Variants in CHSY3 observed in about 807,000 individuals in gnomAD.
CHSY3 encodes N-acetylgalactosaminyl-proteoglycan 3-beta-glucuronosyltransferase 3.
CHSY3 carries 35 observed loss-of-function variants against 67.2 expected under a neutral mutation model. That is an observed-to-expected ratio of 0.52 (90% CI 0.40 to 0.69). The LOEUF (loss-of-function observed/expected upper bound fraction) is 0.69, where lower values mean the gene tolerates loss of function less well. Ranked by LOEUF, CHSY3 falls within the 30% of genes least tolerant of loss-of-function variation. CHSY3 has a pLI of 0.00. For synonymous variants in CHSY3, 474 were observed against 434.7 expected, an observed-to-expected ratio of 1.09 and a Z score of -1.12; for missense variants, 1,069 against 1,138.5, an observed-to-expected ratio of 0.94 and a Z score of 0.88.
intron 2 of CHSY3, among the ~76,000 whole-genome samples, chr5:130,105,330 T>C (rs1288512910): frequency 6.6e-6 from 1 of 151,764 alleles, no homozygotes; most frequent in African/African-American, 2.4e-5. Context: ...AGTGTTTCCC[T>C]GAGATAGAAG....
chr5:129,907,671 A>G (rs1336403082), intron 1 of CHSY3, among the ~76,000 whole-genome samples: 2 of 152,200 alleles, frequency 1.3e-5, no homozygotes, highest in African/African-American at 4.8e-5. Flanking sequence ...TTATGAGTAA[A>G]AAATAATTAT....
chr5:129,989,200 G>A (rs899430612), intron 2 of CHSY3, among the ~76,000 whole-genome samples: 4 of 151,994 alleles, frequency 2.6e-5, no homozygotes, highest in African/African-American at 9.7e-5. Context: ...CCTTCTAACA[G>A]GGTCATCCCA....
chr5:129,952,612 C>T (rs1032906411), intron 2 of CHSY3, among the ~76,000 whole-genome samples: 2 of 152,136 alleles, frequency 1.3e-5, no homozygotes, highest in Non-Finnish European at 1.5e-5. Flanking sequence ...TTAAATTCTG[C>T]AATTTCTTCT....
At chr5:129,995,507 C>CT (rs1763510592) in intron 2 of CHSY3, among the ~76,000 whole-genome samples, 2 of 147,680 alleles carry the variant, frequency 1.4e-5, no homozygotes, top group African/African-American at 5.0e-5. Flanking sequence ...TTTTTCTTTT[C>CT]TTTTCTTTTT....
intron 2 of CHSY3, among the ~76,000 whole-genome samples, chr5:130,031,041 G>T (rs890713678): frequency 8.6e-5 from 13 of 152,000 alleles, no homozygotes; most frequent in African/African-American, 3.1e-4. Context: ...TGGAGTATAA[G>T]AAGCAGATGG....
At position 130,076,866 on chromosome 5, in the gene CHSY3, A is replaced by G. The variant is rs1404144370; in HGVS notation, c.1087-107363A>G. Among the ~76,000 whole-genome samples the G allele has an allele frequency of 2.0e-5, 3 of 150,098 alleles. No individual in the cohort carries two copies. The East Asian group carries it at 6.1e-4, about 31-fold the overall frequency. On this transcript the variant is annotated intron_variant, in intron 2 of 2. Coordinates refer to ENST00000305031, the MANE Select transcript of CHSY3 (RefSeq NM_175856.5). Reference sequence around the variant, plus strand: ...GCAAGAACAAAAAACCAAACACCGCATATTCTCACTCATAGGTGGGAATTG... The same window carrying G: ...GCAAGAACAAAAAACCAAACACCGCGTATTCTCACTCATAGGTGGGAATTG...
chr5:129,928,530 T>C (rs1337331155), intron 2 of CHSY3, among the ~76,000 whole-genome samples: 1 of 151,936 alleles, frequency 6.6e-6, no homozygotes, highest in Non-Finnish European at 1.5e-5. Context: ...GTGGAGGAAA[T>C]GGCAGTTGGA....
chr5:130,163,411 C>T (rs1304511525), intron 2 of CHSY3, among the ~76,000 whole-genome samples: 1 of 152,102 alleles, frequency 6.6e-6, no homozygotes, highest in East Asian at 1.9e-4. Flanking sequence ...CTTCACATTT[C>T]ATTTCTTTAC....
chr5:130,089,032 C>T (rs1355879287), intron 2 of CHSY3, among the ~76,000 whole-genome samples: 2 of 151,908 alleles, frequency 1.3e-5, no homozygotes, highest in Non-Finnish European at 2.9e-5. Context: ...CCATGGAATA[C>T]TATGTAGCCA....
intron 2 of CHSY3, among the ~76,000 whole-genome samples, chr5:130,068,793 G>C (rs548582733): frequency 2.7e-4 from 41 of 152,234 alleles, no homozygotes; most frequent in Non-Finnish European, 4.4e-4. Flanking sequence ...GTTCTGGCTC[G>C]AAGAGCTGAT....
chr5:130,149,412 C>T (rs1401180387), intron 2 of CHSY3, among the ~76,000 whole-genome samples: 2 of 152,118 alleles, frequency 1.3e-5, no homozygotes, highest in East Asian at 3.9e-4. Context: ...GGTTGTACAT[C>T]ACATGGTGAA....
At chr5:130,141,259 T>C in intron 2 of CHSY3, 1 of 464,606 alleles carries the variant, frequency 2.2e-6, no homozygotes, top group East Asian at 5.7e-5. Flanking sequence ...ATGACTGTCC[T>C]CATTAAGCAT....
intron 2 of CHSY3, among the ~76,000 whole-genome samples, chr5:129,912,079 A>AC (rs1760578852): frequency 6.6e-6 from 1 of 152,044 alleles, no homozygotes; most frequent in Non-Finnish European, 1.5e-5. Flanking sequence ...AACAACAACA[A>AC]AAAAACTTAC....
intron 2 of CHSY3, among the ~76,000 whole-genome samples, chr5:130,158,308 G>T (rs1769429183): frequency 6.6e-6 from 1 of 152,142 alleles, no homozygotes; most frequent in Non-Finnish European, 1.5e-5. Flanking sequence ...TGAGTGGCAG[G>T]AGCATGCCTT....
intron 2 of CHSY3, among the ~76,000 whole-genome samples, chr5:130,054,337 GA>G (rs1245936198): frequency 6.6e-6 from 1 of 152,042 alleles, no homozygotes; most frequent in East Asian, 1.9e-4. Flanking sequence ...AAATTTTTGA[GA>G]AATTTCTTCT....
At chr5:129,970,419 TAG>T (rs1762605858) in intron 2 of CHSY3, among the ~76,000 whole-genome samples, 1 of 149,706 alleles carries the variant, frequency 6.7e-6, no homozygotes, top group South Asian at 2.2e-4. Flanking sequence ...GATAGATAGA[TAG>T]ATAGATAGAT....
chr5:130,030,128 T>A (rs1158672046), intron 2 of CHSY3, among the ~76,000 whole-genome samples: 1 of 152,110 alleles, frequency 6.6e-6, no homozygotes, highest in Non-Finnish European at 1.5e-5. Flanking sequence ...TGGTATGCTG[T>A]TTTTTATTAT....
At chr5:130,078,542 A>G (rs1321203560) in intron 2 of CHSY3, among the ~76,000 whole-genome samples, 1 of 152,124 alleles carries the variant, frequency 6.6e-6, no homozygotes, top group Non-Finnish European at 1.5e-5. Context: ...ATGGGAGTTG[A>G]CTATTGGATT....
chr5:130,062,543 T>A (rs1316907968), intron 2 of CHSY3, among the ~76,000 whole-genome samples: 1 of 152,126 alleles, frequency 6.6e-6, no homozygotes, highest in Non-Finnish European at 1.5e-5. Context: ...ACCCCCTGAA[T>A]ATAAAATATG....
Sources: gnomAD v4.1 joint callset for allele counts (sites outside exome capture counted in the v4.1 genomes callset) on GRCh38, gnomAD v4.1.1 for gene constraint, MANE v1.5 for transcripts, NCBI Gene and HGNC (gene_info 2026-07-23, HGNC 2026-07-21) for gene names.